Variants in TLK2 observed in about 807,000 individuals in gnomAD.
TLK2 encodes the protein serine/threonine-protein kinase tousled-like 2.
In TLK2, 6 loss-of-function variants were observed where a neutral mutation model predicts 117.3. The ratio of observed to expected loss-of-function variants is 0.05; its 90% CI spans 0.03 to 0.10. TLK2 has a LOEUF of 0.10. TLK2 is among the 10% of genes least tolerant of loss of function. The probability of loss-of-function intolerance (pLI) is 1.00; values close to 1 mark genes in which losing one functional copy is unlikely to be tolerated. For missense variants in TLK2, 299 were observed against 901.2 expected, an observed-to-expected ratio of 0.33 and a Z score of 8.56; for synonymous variants, 257 against 316.7, an observed-to-expected ratio of 0.81 and a Z score of 2.00.
intron 9 of TLK2, among the ~76,000 whole-genome samples, chr17:62,554,876 CA>C (rs35726174): frequency 0.5 from 65,826 of 131,834 alleles, 15,936 homozygotes; most frequent in East Asian, 0.71. Flanking sequence ...GACCCTGCCT[CA>C]AAAAAAAAAA....
At chr17:62,509,611 A>G (rs925228501) in intron 2 of TLK2, among the ~76,000 whole-genome samples, 1 of 152,208 alleles carries the variant, frequency 6.6e-6, no homozygotes, top group African/African-American at 2.4e-5. Flanking sequence ...AAAACTCAGT[A>G]ATATTTCTAG....
chr17:62,606,286 GGC>G, intron 20 of TLK2, 45 bp downstream of exon 20: 5 of 1,232,806 alleles, frequency 4.1e-6, no homozygotes, highest in South Asian at 1.4e-5. Flanking sequence ...TTTCTTGGGT[GGC>G]ACACACACAC....
At chr17:62,555,777 A>G (rs2078818393) in intron 9 of TLK2, among the ~76,000 whole-genome samples, 1 of 150,386 alleles carries the variant, frequency 6.6e-6, no homozygotes, top group African/African-American at 2.5e-5. Flanking sequence ...GCGCCCGGCT[A>G]TTATTATTAA....
intron 6 of TLK2, among the ~76,000 whole-genome samples, chr17:62,531,136 G>A (rs376840569): frequency 2.6e-5 from 4 of 152,038 alleles, no homozygotes; most frequent in Non-Finnish European, 4.4e-5. Context: ...TCTTTCATCC[G>A]TTCTGAATAA....
chr17:62,585,418 A>G (rs1598761603), intron 15 of TLK2, among the ~76,000 whole-genome samples: 1 of 152,320 alleles, frequency 6.6e-6, no homozygotes, highest in Middle Eastern at 3.4e-3. Flanking sequence ...CGTGCCTGTA[A>G]TCCCAGCTAC....
chr17:62,473,824 T>C (rs1371060025), intron 1 of TLK2, among the ~76,000 whole-genome samples: 1 of 152,198 alleles, frequency 6.6e-6, no homozygotes, highest in East Asian at 1.9e-4. Flanking sequence ...ACAGAGACAA[T>C]ATGGCCCGCA....
chr17:62,489,825 G>A (rs2072915001), intron 2 of TLK2, among the ~76,000 whole-genome samples: 1 of 151,960 alleles, frequency 6.6e-6, no homozygotes, highest in Non-Finnish European at 1.5e-5. Flanking sequence ...GGCTTCCATT[G>A]GGCTCTTTAT....
At chr17:62,483,565 C>T (rs1222617084) in intron 2 of TLK2, among the ~76,000 whole-genome samples, 19 of 152,334 alleles carry the variant, frequency 1.2e-4, no homozygotes, top group East Asian at 3.9e-4. Context: ...TGCAGTGGCA[C>T]GATCTCGGCT....
chr17:62,593,311 C>T, intron 16 of TLK2, among the ~76,000 whole-genome samples: 1 of 152,134 alleles, frequency 6.6e-6, no homozygotes, highest in Non-Finnish European at 1.5e-5. Flanking sequence ...ACTTTATAAA[C>T]ACTGTACACA....
chr17:62,498,017 T>C (rs1225313622), intron 2 of TLK2, among the ~76,000 whole-genome samples: 1 of 152,156 alleles, frequency 6.6e-6, no homozygotes, highest in Non-Finnish European at 1.5e-5. Context: ...TTTAACTAGA[T>C]TGTGTCAGTG....
intron 20 of TLK2, among the ~76,000 whole-genome samples, chr17:62,606,803 C>T (rs1183632586): frequency 6.6e-6 from 1 of 152,118 alleles, no homozygotes; most frequent in Non-Finnish European, 1.5e-5. Flanking sequence ...GTGAACATGC[C>T]TTATAAATGT....
intron 17 of TLK2, among the ~76,000 whole-genome samples, chr17:62,598,143 GAATTTTTTT>G (rs2082615694): frequency 6.6e-6 from 1 of 152,200 alleles, no homozygotes; most frequent in African/African-American, 2.4e-5. Flanking sequence ...ACGTGGAGTG[GAATTTTTTT>G]AAAAAGATCT....
At chr17:62,525,713 G>C (rs1474379951) in intron 6 of TLK2, among the ~76,000 whole-genome samples, 3 of 152,230 alleles carry the variant, frequency 2.0e-5, no homozygotes, top group Non-Finnish European at 4.4e-5. Context: ...ACCTCCCAAA[G>C]TGTTGAGATT....
At chr17:62,606,939 T>C (rs1057323649) in intron 20 of TLK2, among the ~76,000 whole-genome samples, 1 of 151,840 alleles carries the variant, frequency 6.6e-6, no homozygotes, top group Non-Finnish European at 1.5e-5. Flanking sequence ...TTTGAATTCT[T>C]AATATTTTGA....
chr17:62,567,532 A>T (rs1797753029), intron 11 of TLK2, among the ~76,000 whole-genome samples: 1 of 152,180 alleles, frequency 6.6e-6, no homozygotes, highest in African/African-American at 2.4e-5. Flanking sequence ...ATGTCTATTA[A>T]TTATAGGTAT....
At chr17:62,564,849 T>TA (rs2079619456) in intron 10 of TLK2, 152 bp from the exon 11 acceptor site, 1 of 881,650 alleles carries the variant, frequency 1.1e-6, no homozygotes, top group African/African-American at 1.7e-5. Flanking sequence ...TAGGAATAGT[T>TA]AGTCATCCGA....
intron 2 of TLK2, among the ~76,000 whole-genome samples, chr17:62,515,800 GTGT>G (rs2075533574): frequency 6.6e-6 from 1 of 152,194 alleles, no homozygotes; most frequent in South Asian, 2.1e-4. Flanking sequence ...TCTGTTGATT[GTGT>G]TGTTTAATGC....
intron 7 of TLK2, among the ~76,000 whole-genome samples, chr17:62,540,733 A>T (rs1020179026): frequency 1.3e-5 from 2 of 151,940 alleles, no homozygotes; most frequent in Non-Finnish European, 2.9e-5. Flanking sequence ...AATTCTCTTC[A>T]CTACTGCCAC....
At chr17:62,486,603 T>C (rs2072421865) in intron 2 of TLK2, among the ~76,000 whole-genome samples, 2 of 152,200 alleles carry the variant, frequency 1.3e-5, no homozygotes, top group Admixed American at 1.3e-4. Flanking sequence ...CTTTTGACAG[T>C]TTAAGTACAG....
Sources: allele counts gnomAD v4.1 joint callset (sites outside exome capture counted in the v4.1 genomes callset), GRCh38; gene constraint gnomAD v4.1.1; transcripts MANE v1.5; gene names NCBI Gene and HGNC (gene_info 2026-07-23, HGNC 2026-07-21).